SOBP: variants seen among roughly 807,000 people sequenced by gnomAD.
The protein encoded by SOBP is sine oculis-binding protein homolog.
SOBP carries 4 observed loss-of-function variants against 53.6 expected under a neutral mutation model. That is an observed-to-expected ratio of 0.07 (90% confidence interval 0.04 to 0.17). The LOEUF (loss-of-function observed/expected upper bound fraction) is 0.17. Ranked by LOEUF, SOBP falls within the 10% of genes least tolerant of loss-of-function variation. SOBP has a pLI of 1.00. For synonymous variants in SOBP, 584 were observed against 522.6 expected, an observed-to-expected ratio of 1.12 and a Z score of -1.60; for missense variants, 1,088 against 1,204.7, an observed-to-expected ratio of 0.90 and a Z score of 1.43.
chr6:107,508,154 T>A (rs1032221929), intron 3 of SOBP, among the ~76,000 whole-genome samples: 1 of 152,234 alleles, frequency 6.6e-6, no homozygotes, highest in Non-Finnish European at 1.5e-5. Context: ...TATGCTTCCA[T>A]AAACAGTGAA....
intron 5 of SOBP, among the ~76,000 whole-genome samples, chr6:107,592,917 C>T (rs753716514): frequency 2.0e-4 from 31 of 152,336 alleles, no homozygotes; most frequent in Non-Finnish European, 4.1e-4. Flanking sequence ...AAGCAAGAGG[C>T]AGTTCTGATA....
At chr6:107,497,488 G>C (rs535021282) in intron 1 of SOBP, among the ~76,000 whole-genome samples, 2 of 151,988 alleles carry the variant, frequency 1.3e-5, no homozygotes, top group South Asian at 4.2e-4. Flanking sequence ...GACAAAAAGA[G>C]TAGGCAATAA....
intron 3 of SOBP, chr6:107,510,725 G>A (rs1783146243): frequency 6.6e-6 from 1 of 152,166 alleles, no homozygotes; most frequent in African/African-American, 2.4e-5. Flanking sequence ...GTTGAGATAT[G>A]CTACTGTCAA....
At chr6:107,605,067 G>A (rs1325018815) in intron 5 of SOBP, among the ~76,000 whole-genome samples, 1 of 151,908 alleles carries the variant, frequency 6.6e-6, no homozygotes. Flanking sequence ...CCTCCACTCT[G>A]CATGTTCATC....
intron 4 of SOBP, among the ~76,000 whole-genome samples, chr6:107,543,930 T>C (rs1784223305): frequency 6.6e-6 from 1 of 152,208 alleles, no homozygotes; most frequent in African/African-American, 2.4e-5. Context: ...GAACATGAGA[T>C]TGCACAGAAC....
intron 4 of SOBP, among the ~76,000 whole-genome samples, chr6:107,538,902 G>A (rs113108536): frequency 6.6e-6 from 1 of 152,242 alleles, no homozygotes; most frequent in African/African-American, 2.4e-5. Flanking sequence ...TTTGGGAGTA[G>A]GGTTAGAGCA....
intron 5 of SOBP, among the ~76,000 whole-genome samples, chr6:107,604,898 ATTTATGTCACAGCAC>A (rs1466404831): frequency 6.6e-6 from 1 of 152,230 alleles, no homozygotes; most frequent in African/African-American, 2.4e-5. Context: ...AGTGAAGGGC[ATTTATGTCACAGCAC>A]TGTGAAAAAT....
At chr6:107,523,602 T>C (rs1715681624) in intron 3 of SOBP, among the ~76,000 whole-genome samples, 1 of 152,208 alleles carries the variant, frequency 6.6e-6, no homozygotes, top group South Asian at 2.1e-4. Flanking sequence ...GTCTCTAGCC[T>C]GTCAATTTGC....
At chr6:107,494,407 G>A (rs750368252) in intron 1 of SOBP, among the ~76,000 whole-genome samples, 12 of 152,124 alleles carry the variant, frequency 7.9e-5, no homozygotes, top group African/African-American at 2.2e-4. Flanking sequence ...ATGTGTAAGC[G>A]TAAATATATG....
chr6:107,646,151 T>C (rs1771545957), intron 6 of SOBP, among the ~76,000 whole-genome samples: 1 of 152,264 alleles, frequency 6.6e-6, no homozygotes, highest in Non-Finnish European at 1.5e-5. Context: ...GCAGGCTAAT[T>C]GCCAGCAGTT....
chr6:107,498,484 G>C (rs557400467), intron 1 of SOBP, among the ~76,000 whole-genome samples: 48 of 152,198 alleles, frequency 3.2e-4, no homozygotes, highest in African/African-American at 1.1e-3. Flanking sequence ...TTGCGAATTT[G>C]TAATTACTGC....
intron 5 of SOBP, among the ~76,000 whole-genome samples, chr6:107,630,194 CT>C (rs957209456): frequency 1.4e-4 from 21 of 152,164 alleles, no homozygotes; most frequent in Non-Finnish European, 2.5e-4. Flanking sequence ...TAATCTTTAT[CT>C]TCTAAAATAT....
At chr6:107,601,819 T>G (rs1293656382) in intron 5 of SOBP, among the ~76,000 whole-genome samples, 1 of 152,260 alleles carries the variant, frequency 6.6e-6, no homozygotes, top group Non-Finnish European at 1.5e-5. Flanking sequence ...TTAATGAATT[T>G]CACTACTGAC....
chr6:107,531,541 A>G (rs1486687237), intron 3 of SOBP, among the ~76,000 whole-genome samples: 1 of 152,200 alleles, frequency 6.6e-6, no homozygotes, highest in African/African-American at 2.4e-5. Context: ...TTTTCATACC[A>G]TGTAAAATGT....
chr6:107,631,576 C>T (rs114958101), intron 5 of SOBP, among the ~76,000 whole-genome samples: 21 of 152,286 alleles, frequency 1.4e-4, no homozygotes, highest in African/African-American at 4.3e-4. Flanking sequence ...GGCAATTCTG[C>T]ACTTTTTTGT....
At chr6:107,596,193 T>C (rs911572452) in intron 5 of SOBP, among the ~76,000 whole-genome samples, 15 of 152,066 alleles carry the variant, frequency 9.9e-5, no homozygotes, top group Non-Finnish European at 1.6e-4. Context: ...AGATGCACTT[T>C]CCCCCCTAAC....
At chr6:107,657,828 G>A (rs1047895779) in intron 6 of SOBP, among the ~76,000 whole-genome samples, 1 of 150,428 alleles carries the variant, frequency 6.6e-6, no homozygotes, top group African/African-American at 2.5e-5. Flanking sequence ...GCAACAGAGC[G>A]AGACCCTGTC....
chr6:107,520,053 A>C (rs1022671691), intron 3 of SOBP, among the ~76,000 whole-genome samples: 9 of 152,208 alleles, frequency 5.9e-5, no homozygotes, highest in African/African-American at 2.2e-4. Context: ...ACAATGAAAG[A>C]GTAAAAAGGG....
intron 4 of SOBP, among the ~76,000 whole-genome samples, chr6:107,554,859 T>TG (rs1784562718): frequency 6.6e-6 from 1 of 151,996 alleles, no homozygotes; most frequent in African/African-American, 2.4e-5. Context: ...AGGGCTGGGA[T>TG]GGGGGGTGGG....
Sources: gnomAD v4.1 joint callset for allele counts (sites outside exome capture counted in the v4.1 genomes callset) on GRCh38, gnomAD v4.1.1 for gene constraint, MANE v1.5 for transcripts, NCBI Gene and HGNC (gene_info 2026-07-23, HGNC 2026-07-21) for gene names.